RASGRP3: variants seen among roughly 807,000 people sequenced by gnomAD.
The protein encoded by RASGRP3 is ras guanyl-releasing protein 3.
In RASGRP3, 54 loss-of-function variants were observed where a neutral mutation model predicts 82.7. The observed-to-expected ratio is 0.65, with a 90% CI of 0.52 to 0.82. RASGRP3 has a LOEUF of 0.82. Ranked by LOEUF, RASGRP3 falls within the 40% of genes least tolerant of loss-of-function variation. RASGRP3 has a pLI of 0.00. For synonymous variants in RASGRP3, 309 were observed against 300.5 expected (o/e 1.03, Z -0.29); for missense variants, 861 against 828.9 (o/e 1.04, Z -0.48).
chr2:33,489,956 A>G (rs1173237841), intron 1 of RASGRP3, among the ~76,000 whole-genome samples: 2 of 152,346 alleles, frequency 1.3e-5, no homozygotes, highest in Admixed American at 6.5e-5. Context: ...TCAAAAACTC[A>G]GGAAAAGAGA....
intron 13 of RASGRP3, among the ~76,000 whole-genome samples, chr2:33,548,529 G>A (rs1056038087): frequency 1.3e-5 from 2 of 151,960 alleles, no homozygotes; most frequent in Non-Finnish European, 2.9e-5. Flanking sequence ...GGAGAGTCCC[G>A]GGGAGGCTGG....
intron 11 of RASGRP3, among the ~76,000 whole-genome samples, chr2:33,537,194 T>C (rs1209306044): frequency 2.0e-5 from 3 of 148,186 alleles, no homozygotes; most frequent in African/African-American, 7.4e-5. Context: ...ACTAATAGGA[T>C]ATATATATAT....
chr2:33,535,735 T>A (rs1673541796), intron 11 of RASGRP3, among the ~76,000 whole-genome samples: 1 of 152,170 alleles, frequency 6.6e-6, no homozygotes, highest in Non-Finnish European at 1.5e-5. Context: ...GCACATGCAA[T>A]GGTAGGAGTG....
chr2:33,550,028 T>C (rs540605721), intron 14 of RASGRP3, among the ~76,000 whole-genome samples: 4 of 152,332 alleles, frequency 2.6e-5, no homozygotes, highest in African/African-American at 9.6e-5. Flanking sequence ...GTCAGCCCAA[T>C]GAGCCCTGGC....
At chr2:33,465,422 C>T (rs926928972) in intron 2 of RASGRP3, among the ~76,000 whole-genome samples, 1 of 152,102 alleles carries the variant, frequency 6.6e-6, no homozygotes. Context: ...AGGTGGAAGG[C>T]CGAAGAGGGA....
intron 14 of RASGRP3, among the ~76,000 whole-genome samples, chr2:33,552,988 A>G (rs1177124149): frequency 6.6e-6 from 1 of 152,184 alleles, no homozygotes; most frequent in East Asian, 1.9e-4. Flanking sequence ...CTTGGCAGGC[A>G]CACTGACCCA....
At position 33,522,044 on chromosome 2, in the gene RASGRP3, C is replaced by T. The variant is rs758389634; in HGVS notation, c.458C>T (p.Pro153Leu). The T allele has an allele frequency of 3.7e-6, 6 of 1,613,666 alleles. No homozygotes were observed. Among genetic ancestry groups the T allele is most frequent in the Non-Finnish European group, 1.7e-6 (2 of 1,179,824 alleles). ...TGTCTGCTGTTTGACCATCTGGAGC[C>T]CATTGAATTGGCTGAGCACCTCACT... ...KACLLFDHLEPIELAEHLTFL... is the reference protein window; with the variant it reads ...KACLLFDHLELIELAEHLTFL... The change falls in exon 7 of 18, where the codon CCC becomes CTC. Residue 153 changes from proline to leucine, a missense_variant. By Grantham distance (98) the Pro-to-Leu change is moderately conservative. Transcript: ENST00000403687.
In RASGRP3 at chr2:33,558,344, C is replaced by G; in HGVS notation, c.1705+8C>G. On this transcript the variant is annotated splice_region_variant and intron_variant, in intron 16 of 17. Transcript: ENST00000403687. ...GCCCCTCGCTGCCCCCAGGTAATGC[C>G]CTCTGCTTTCTTTGCTGCCATGGTC... 6.2e-7 allele frequency: 1 copy of G among 1,612,966 alleles called. No individual in the cohort carries two copies. Among genetic ancestry groups the G allele is most frequent in the South Asian group, 1.1e-5 (1 of 91,002 alleles).
intron 1 of RASGRP3, among the ~76,000 whole-genome samples, chr2:33,507,857 T>C (rs1574373905): frequency 6.6e-6 from 1 of 152,322 alleles, no homozygotes; most frequent in Admixed American, 6.5e-5. Context: ...TTCTTTCAGC[T>C]GCAGAATGGA....
chr2:33,560,305 TCC>T (rs918784128), intron 17 of RASGRP3, among the ~76,000 whole-genome samples: 5 of 152,114 alleles, frequency 3.3e-5, no homozygotes, highest in Non-Finnish European at 7.3e-5. Flanking sequence ...TTTTAACATT[TCC>T]CCCACTGATC....
chr2:33,530,732 G>C (rs1164989457), intron 10 of RASGRP3: 1 of 152,166 alleles, frequency 6.6e-6, no homozygotes, highest in Non-Finnish European at 1.5e-5. Flanking sequence ...GACAAAATCT[G>C]TGAGGGTGGG....
chr2:33,442,483 T>A (rs147543836), intron 1 of RASGRP3, among the ~76,000 whole-genome samples: 5 of 152,372 alleles, frequency 3.3e-5, no homozygotes, highest in African/African-American at 1.2e-4. Flanking sequence ...TTTCAAAATG[T>A]ACAGAGCTAA....
Position 33,555,587 on chromosome 2 carries a change from T to C in RASGRP3, c.1579+20T>C, listed in dbSNP as rs1675859657. The C allele has an allele frequency of 1.9e-6, 3 of 1,554,932 alleles. No homozygotes were observed. Among genetic ancestry groups the C allele is most frequent in the Non-Finnish European group, 1.8e-6 (2 of 1,135,506 alleles). ...GCAAAGGTAAATCAATGTTATTTTG[T>C]TACAATTTTTAAAATGTGACATTTT... On this transcript the variant is annotated intron_variant, in intron 15 of 17. Coordinates refer to ENST00000403687, the MANE Select transcript of RASGRP3 (RefSeq NM_001139488.2).
chr2:33,539,493 G>A (rs568045411), intron 12 of RASGRP3: 1 of 260,940 alleles, frequency 3.8e-6, no homozygotes, highest in South Asian at 1.0e-4. Context: ...AACAGCTCAA[G>A]GGATTGGGGA....
At chr2:33,469,953 T>A (rs150165895) in intron 2 of RASGRP3, among the ~76,000 whole-genome samples, 46 of 152,350 alleles carry the variant, frequency 3.0e-4, no homozygotes, top group Admixed American at 2.4e-3. Flanking sequence ...TTCTTCTATG[T>A]GTATTTCTGG....
chr2:33,472,387 G>A (rs185305491), upstream of RASGRP3, among the ~76,000 whole-genome samples: 6 of 152,194 alleles, frequency 3.9e-5, no homozygotes, highest in Admixed American at 6.5e-5. Flanking sequence ...ACGATGGCCC[G>A]GAGGGGCTTT....
intron 1 of RASGRP3, among the ~76,000 whole-genome samples, chr2:33,508,593 A>G (rs1466132360): frequency 6.6e-6 from 1 of 152,190 alleles, no homozygotes; most frequent in Non-Finnish European, 1.5e-5. Flanking sequence ...GGCAACTTCC[A>G]TTTACTCTAA....
rs1331973828 is a variant in RASGRP3, at chr2:33,547,043, C to T, written c.1395-2561C>T. On this transcript the variant is annotated intron_variant, in intron 13 of 17. Transcript: ENST00000403687. Reference sequence around the variant, plus strand: ...CAGCCTGGGTAACAAGAGCGAATCTCTGTCTCAGGGAAAAAAAAAAAAAAA... The same window carrying T: ...CAGCCTGGGTAACAAGAGCGAATCTTTGTCTCAGGGAAAAAAAAAAAAAAA... 3.3e-5 allele frequency among the ~76,000 whole-genome samples: 4 copies of T among 122,038 alleles called. No individual in the cohort carries two copies. The East Asian group carries it at 9.4e-4, about 29-fold the overall frequency. 80.1% of individuals were successfully genotyped at this position (122,038 alleles called of 152,430 possible).
intron 2 of RASGRP3, among the ~76,000 whole-genome samples, chr2:33,456,433 A>T (rs1038763796): frequency 6.6e-6 from 1 of 152,074 alleles, no homozygotes; most frequent in Non-Finnish European, 1.5e-5. Flanking sequence ...TACATAATCC[A>T]TATCTTTTGT....
Sources: allele counts gnomAD v4.1 joint callset (sites outside exome capture counted in the v4.1 genomes callset), GRCh38; gene constraint gnomAD v4.1.1; transcripts MANE v1.5; gene names NCBI Gene and HGNC (gene_info 2026-07-23, HGNC 2026-07-21).